The following CTNNA2 variants were observed in gnomAD, a reference collection of about 807,000 sequenced individuals.
CTNNA2 encodes the protein catenin alpha-2.
In CTNNA2, 42 loss-of-function variants were observed where a neutral mutation model predicts 101.0. The observed-to-expected ratio is 0.42, with a 90% CI of 0.32 to 0.54. The LOEUF is 0.54. Ranked by LOEUF, CTNNA2 falls within the 20% of genes least tolerant of loss-of-function variation. CTNNA2 has a pLI of 0.14. For missense variants in CTNNA2, 871 were observed against 1,223.1 expected (o/e 0.71, Z 4.29); for synonymous variants, 450 against 456.4 (o/e 0.99, Z 0.18).
intron 3 of CTNNA2, among the ~76,000 whole-genome samples, chr2:79,856,185 T>G (rs1038222795): frequency 2.0e-5 from 3 of 152,238 alleles, no homozygotes; most frequent in African/African-American, 7.2e-5. Context: ...ATAAAATGCT[T>G]ATTGTAGATG....
At chr2:80,438,197 G>A (rs12617443) in intron 9 of CTNNA2, among the ~76,000 whole-genome samples, 4 of 152,168 alleles carry the variant, frequency 2.6e-5, no homozygotes, top group East Asian at 1.9e-4. Context: ...CTCTATGCTC[G>A]CACATCCCTA....
chr2:80,196,138 A>G (rs1706817459), intron 7 of CTNNA2, among the ~76,000 whole-genome samples: 1 of 152,192 alleles, frequency 6.6e-6, no homozygotes, highest in South Asian at 2.1e-4. Context: ...ATGTAATTAT[A>G]GATTTTTCTT....
chr2:79,875,028 A>G (rs78955931), intron 6 of CTNNA2, among the ~76,000 whole-genome samples: 186 of 152,248 alleles, frequency 1.2e-3, no homozygotes, highest in East Asian at 6.4e-3. Context: ...GATAAAGTAC[A>G]TTGCCCTATG....
chr2:80,602,188 T>C (rs1697610191), intron 15 of CTNNA2: 1 of 152,072 alleles, frequency 6.6e-6, no homozygotes, highest in Non-Finnish European at 1.5e-5. Context: ...TTCTAAAGTC[T>C]CAAACTTTTT....
chr2:80,117,924 C>T (rs1487777940), intron 7 of CTNNA2, among the ~76,000 whole-genome samples: 3 of 152,056 alleles, frequency 2.0e-5, no homozygotes, highest in East Asian at 3.9e-4. Context: ...GTAACAATAA[C>T]CTTATGAGGT....
At chr2:80,377,072 G>A (rs1676024937) in intron 7 of CTNNA2, among the ~76,000 whole-genome samples, 1 of 152,194 alleles carries the variant, frequency 6.6e-6, no homozygotes, top group Admixed American at 6.5e-5. Context: ...CAGGGTCAAT[G>A]TCTGGTTCTC....
At position 80,094,365 on chromosome 2, in the gene CTNNA2, C is replaced by A. The variant is rs188204584; in HGVS notation, c.1056+184568C>A. 3.8e-3 allele frequency among the ~76,000 whole-genome samples: 576 copies of A among 152,116 alleles called. 4 individuals carry two copies. The highest frequency in any genetic ancestry group is 0.013 in the African/African-American group (541 of 41,510). On this transcript the variant is annotated intron_variant, in intron 7 of 18. Transcript: ENST00000402739. ...GCTCTGTTCTGTTCCATTGGTCTAT[C>A]TCTCTGTTTTGGTACCAGTACCATG...
At chr2:80,629,845 AC>A (rs1216376324) in intron 18 of CTNNA2, among the ~76,000 whole-genome samples, 1 of 152,152 alleles carries the variant, frequency 6.6e-6, no homozygotes, top group Non-Finnish European at 1.5e-5. Flanking sequence ...TGGCAAAATT[AC>A]CCCTAGATGA....
intron 2 of CTNNA2, among the ~76,000 whole-genome samples, chr2:79,218,540 G>A (rs1395473905): frequency 6.6e-6 from 1 of 152,092 alleles, no homozygotes; most frequent in Non-Finnish European, 1.5e-5. Flanking sequence ...AGGAGTAGCA[G>A]TAGGGACTCG....
intron 1 of CTNNA2, among the ~76,000 whole-genome samples, chr2:79,622,095 G>A (rs1016876718): frequency 6.6e-6 from 1 of 152,094 alleles, no homozygotes; most frequent in Admixed American, 6.6e-5. Flanking sequence ...CTGAATAAAA[G>A]TACATACTTT....
chr2:80,040,532 C>T (rs1695973773), intron 7 of CTNNA2, among the ~76,000 whole-genome samples: 1 of 152,194 alleles, frequency 6.6e-6, no homozygotes, highest in Non-Finnish European at 1.5e-5. Flanking sequence ...TTTTCACCTT[C>T]ACCATTATTC....
At chr2:80,564,526 T>TTA (rs34219191) in intron 12 of CTNNA2, among the ~76,000 whole-genome samples, 1 of 142,894 alleles carries the variant, frequency 7.0e-6, no homozygotes, top group East Asian at 2.1e-4. Flanking sequence ...TTTTTTTTTT[T>TTA]ACCCCCTCCT....
chr2:79,502,950 G>A (rs921695081), intron 4 of CTNNA2, among the ~76,000 whole-genome samples: 1 of 152,126 alleles, frequency 6.6e-6, no homozygotes, highest in Admixed American at 6.5e-5. Flanking sequence ...TAGAGATTCT[G>A]CAAGGGCTCA....
intron 7 of CTNNA2, among the ~76,000 whole-genome samples, chr2:80,143,932 C>T (rs1265360336): frequency 6.6e-6 from 1 of 152,142 alleles, no homozygotes; most frequent in African/African-American, 2.4e-5. Flanking sequence ...GTACTTAAAG[C>T]AGTCACATCT....
At chr2:79,363,388 A>G (rs1677673617) in intron 3 of CTNNA2, among the ~76,000 whole-genome samples, 1 of 152,214 alleles carries the variant, frequency 6.6e-6, no homozygotes, top group African/African-American at 2.4e-5. Context: ...GGCTAAAAGC[A>G]TCAACATGGA....
intron 7 of CTNNA2, among the ~76,000 whole-genome samples, chr2:80,179,665 G>A (rs1356908672): frequency 6.6e-6 from 1 of 152,164 alleles, no homozygotes; most frequent in Non-Finnish European, 1.5e-5. Flanking sequence ...GAGCCACTGT[G>A]CCCGGCCAAG....
At chr2:79,623,765 A>G (rs568910193) in intron 1 of CTNNA2, among the ~76,000 whole-genome samples, 3 of 152,302 alleles carry the variant, frequency 2.0e-5, no homozygotes, top group East Asian at 3.9e-4. Flanking sequence ...TGAATTTTTC[A>G]TGATTGTAAA....
intron 3 of CTNNA2, among the ~76,000 whole-genome samples, chr2:79,819,841 C>T (rs1193304603): frequency 6.6e-6 from 1 of 151,912 alleles, no homozygotes; most frequent in African/African-American, 2.4e-5. Context: ...ACCACAATTA[C>T]CCTGATTTGA....
At chr2:79,466,754 C>T (rs1014205331) in intron 4 of CTNNA2, among the ~76,000 whole-genome samples, 1 of 152,202 alleles carries the variant, frequency 6.6e-6, no homozygotes, top group Admixed American at 6.5e-5. Context: ...GCTGCTGATA[C>T]CCAGGAGAAA....
Sources: allele counts gnomAD v4.1 joint callset (sites outside exome capture counted in the v4.1 genomes callset), GRCh38; gene constraint gnomAD v4.1.1; transcripts MANE v1.5; gene names NCBI Gene and HGNC (gene_info 2026-07-23, HGNC 2026-07-21).